Variants in CCDC60 observed in about 807,000 individuals in gnomAD.
CCDC60 encodes coiled-coil domain containing 60, also known as coiled-coil domain-containing protein 60.
CCDC60 carries 54 observed loss-of-function variants against 63.5 expected under a neutral mutation model. The ratio of observed to expected loss-of-function variants is 0.85; its 90% CI spans 0.68 to 1.07. CCDC60 has a LOEUF of 1.07. Ranked by LOEUF, CCDC60 falls within the 50% of genes least tolerant of loss-of-function variation. CCDC60 has a pLI of 0.00. For missense variants in CCDC60, 651 were observed against 684.3 expected (o/e 0.95, Z 0.54); for synonymous variants, 206 against 238.8 (o/e 0.86, Z 1.27).
At chr12:119,465,654 A>G (rs1950939631) in intron 2 of CCDC60, among the ~76,000 whole-genome samples, 1 of 151,922 alleles carries the variant, frequency 6.6e-6, no homozygotes, top group African/African-American at 2.4e-5. Flanking sequence ...GCTACTCAGG[A>G]GGCTGAGGCA....
intron 1 of CCDC60, among the ~76,000 whole-genome samples, chr12:119,354,185 C>T (rs750056024): frequency 2.0e-5 from 3 of 151,898 alleles, no homozygotes; most frequent in African/African-American, 7.3e-5. Flanking sequence ...CCTATGCTTC[C>T]TTTTAGCTTT....
At chr12:119,349,337 C>CTTTT (rs34682909) in intron 1 of CCDC60, among the ~76,000 whole-genome samples, 7 of 126,272 alleles carry the variant, frequency 5.5e-5, no homozygotes, top group Non-Finnish European at 6.7e-5. Flanking sequence ...GGGCGTGTTC[C>CTTTT]TTTTTTTTTT....
At chr12:119,352,811 G>T (rs910328174) in intron 1 of CCDC60, among the ~76,000 whole-genome samples, 2 of 152,090 alleles carry the variant, frequency 1.3e-5, no homozygotes, top group South Asian at 4.2e-4. Flanking sequence ...GTGGTGGTAG[G>T]TACCTGTGAT....
At chr12:119,486,926 T>C (rs1192349595) in intron 4 of CCDC60, among the ~76,000 whole-genome samples, 1 of 151,992 alleles carries the variant, frequency 6.6e-6, no homozygotes, top group Non-Finnish European at 1.5e-5. Flanking sequence ...GAGGGCAGGA[T>C]GCAGTTTCAG....
intron 1 of CCDC60, among the ~76,000 whole-genome samples, chr12:119,349,574 G>C (rs1380593387): frequency 6.6e-6 from 1 of 151,570 alleles, no homozygotes; most frequent in East Asian, 2.0e-4. Flanking sequence ...CCTGACCTCA[G>C]ATGATCTGCC....
At chr12:119,491,520 G>A (rs970809713) in intron 5 of CCDC60, among the ~76,000 whole-genome samples, 1 of 152,054 alleles carries the variant, frequency 6.6e-6, no homozygotes, top group Non-Finnish European at 1.5e-5. Context: ...AGTGGAGACA[G>A]GGTTTCACCA....
chr12:119,391,746 G>A (rs1956163932), intron 1 of CCDC60, among the ~76,000 whole-genome samples: 1 of 152,208 alleles, frequency 6.6e-6, no homozygotes, highest in South Asian at 2.1e-4. Flanking sequence ...GAATTTTGTT[G>A]TGTAGGTTGA....
At chr12:119,480,578 CCAT>C (rs1788973395) in intron 4 of CCDC60, among the ~76,000 whole-genome samples, 1 of 151,714 alleles carries the variant, frequency 6.6e-6, no homozygotes, top group Admixed American at 6.6e-5. Flanking sequence ...ATCATCATCA[CCAT>C]CATCCTCATC....
At chr12:119,424,045 CA>C (rs1228497725) in intron 1 of CCDC60, among the ~76,000 whole-genome samples, 4 of 152,024 alleles carry the variant, frequency 2.6e-5, no homozygotes, top group African/African-American at 9.7e-5. Flanking sequence ...ATAACCAAAA[CA>C]AAAAATTATC....
In CCDC60 at chr12:119,397,072, AGTT is replaced by A. The variant is rs557588689; in HGVS notation, c.91-31607_91-31605del. ...CAGCTCTTAAAGGCAGGGCATCTGG[AGTT>A]GTTCGTTCCTCCCCTCCAGAGTTGT... On this transcript the variant is annotated intron_variant, in intron 1 of 13. Coordinates refer to ENST00000327554, the MANE Select transcript of CCDC60 (RefSeq NM_178499.5). Among the ~76,000 whole-genome samples the A allele has an allele frequency of 2.6e-5, 4 of 151,690 alleles. No homozygotes were observed. The South Asian group carries it at 8.4e-4, about 32-fold the overall frequency.
intron 13 of CCDC60, among the ~76,000 whole-genome samples, chr12:119,539,238 CT>C (rs1194981483): frequency 1.3e-5 from 2 of 152,252 alleles, no homozygotes; most frequent in Non-Finnish European, 2.9e-5. Flanking sequence ...ATCCACTGCT[CT>C]CTTCAGAGCC....
intron 1 of CCDC60, among the ~76,000 whole-genome samples, chr12:119,376,627 CA>C (rs1190194132): frequency 1.3e-5 from 2 of 151,890 alleles, no homozygotes; most frequent in East Asian, 1.9e-4. Flanking sequence ...GACTTTGTCT[CA>C]AAAAAATAAA....
intron 2 of CCDC60, among the ~76,000 whole-genome samples, chr12:119,447,482 T>G (rs1950562473): frequency 6.6e-6 from 1 of 152,104 alleles, no homozygotes; most frequent in South Asian, 2.1e-4. Context: ...TGTCCTGAAA[T>G]TATAAACCAG....
intron 1 of CCDC60, chr12:119,388,460 G>A (rs1956096717): frequency 6.6e-6 from 1 of 152,136 alleles, no homozygotes; most frequent in Admixed American, 6.5e-5. Flanking sequence ...CTTTAATAAG[G>A]CATTTAAGTT....
intron 3 of CCDC60, among the ~76,000 whole-genome samples, chr12:119,473,145 G>A (rs905888327): frequency 6.6e-6 from 1 of 152,182 alleles, no homozygotes; most frequent in African/African-American, 2.4e-5. Flanking sequence ...TAGTTAGAAA[G>A]CAGCTCTGAG....
At chr12:119,490,366 G>T (rs1026065916) in intron 5 of CCDC60, among the ~76,000 whole-genome samples, 1 of 151,946 alleles carries the variant, frequency 6.6e-6, no homozygotes, top group African/African-American at 2.4e-5. Context: ...TTTTTAAATA[G>T]AAACCTCTGT....
intron 1 of CCDC60, among the ~76,000 whole-genome samples, chr12:119,414,030 T>C (rs1171187626): frequency 6.6e-6 from 1 of 151,912 alleles, no homozygotes; most frequent in Non-Finnish European, 1.5e-5. Flanking sequence ...TCTGGTTTGC[T>C]TTTTTTTAGA....
At chr12:119,477,127 C>T (rs527249677) in intron 3 of CCDC60, among the ~76,000 whole-genome samples, 2 of 152,286 alleles carry the variant, frequency 1.3e-5, no homozygotes, top group African/African-American at 4.8e-5. Context: ...GGTTCCTTTC[C>T]CTGTGGGCCT....
chr12:119,521,042 G>A (rs1952512666), intron 9 of CCDC60, among the ~76,000 whole-genome samples: 4 of 152,138 alleles, frequency 2.6e-5, no homozygotes. Flanking sequence ...GCTTTTAAAT[G>A]CGTACTATAC....
Sources: allele counts gnomAD v4.1 joint callset (sites outside exome capture counted in the v4.1 genomes callset), GRCh38; gene constraint gnomAD v4.1.1; transcripts MANE v1.5; gene names NCBI Gene and HGNC (gene_info 2026-07-23, HGNC 2026-07-21).